ANKS3: variants seen among roughly 807,000 people sequenced by gnomAD.
ANKS3 encodes the protein ankyrin repeat and SAM domain-containing protein 3.
ANKS3 carries 62 observed loss-of-function variants against 80.7 expected under a neutral mutation model. The observed-to-expected ratio is 0.77, with a 90% CI of 0.63 to 0.95. The LOEUF (loss-of-function observed/expected upper bound fraction) is 0.95. ANKS3 is among the 40% of genes least tolerant of loss of function. The pLI, the probability that ANKS3 is intolerant of heterozygous loss-of-function variation, is 0.00. For missense variants in ANKS3, 1,150 were observed against 883.6 expected (o/e 1.30, Z -3.82); for synonymous variants, 489 against 355.3 (o/e 1.38, Z -4.23).
At chr16:4,732,281 A>C (rs1053356147) in intron 1 of ANKS3, among the ~76,000 whole-genome samples, 1 of 152,056 alleles carries the variant, frequency 6.6e-6, no homozygotes, top group African/African-American at 2.4e-5. Flanking sequence ...AAGAAACCAA[A>C]CGAGCTGAGG....
Position 4,696,654 on chromosome 16 carries a change from C to T in ANKS3, c.*254G>A, listed in dbSNP as rs758298356. Reference sequence around the variant, plus strand: ...GGGCCCTGCCTGGTATGGGCCAGGGCAGCCCATGAACTCTGGGCCTCACCA... The same window carrying T: ...GGGCCCTGCCTGGTATGGGCCAGGGTAGCCCATGAACTCTGGGCCTCACCA... On this transcript the variant is annotated 3_prime_UTR_variant, in exon 18 of 18. Transcript: ENST00000304283. 37 of 314,706 alleles carry T rather than the reference C, an allele frequency of 1.2e-4. No homozygotes were observed. The highest frequency in any genetic ancestry group is 5.4e-4 in the African/African-American group (25 of 46,220). The allele number at this position is 314,706 out of a possible 1,614,324, so 19.5% of individuals were successfully genotyped here.
intron 10 of ANKS3, 119 bp downstream of exon 10, chr16:4,701,315 G>A: frequency 1.5e-6 from 2 of 1,324,876 alleles, no homozygotes; most frequent in Non-Finnish European, 2.1e-6. Context: ...ACGTCCCAGT[G>A]CAGCACACAC....
chr16:4,716,897 AGACT>A (rs2080830239), intron 6 of ANKS3, among the ~76,000 whole-genome samples: 1 of 152,086 alleles, frequency 6.6e-6, no homozygotes, highest in African/African-American at 2.4e-5. Context: ...CCTCGACGAC[AGACT>A]GAGATTCCAT....
At chr16:4,705,025 T>A in intron 8 of ANKS3, 70 bp downstream of exon 8, 3 of 1,576,250 alleles carry the variant, frequency 1.9e-6, no homozygotes, top group Non-Finnish European at 2.6e-6. Context: ...CTAAGAGCTA[T>A]TCCATTCTTG....
In ANKS3 at chr16:4,716,315, C is replaced by A. The variant is rs866092320; in HGVS notation, c.574-2129G>T. Among the ~76,000 whole-genome samples, 20 of 147,210 alleles carry A rather than the reference C, an allele frequency of 1.4e-4. 1 individual carries two copies. The highest frequency in any genetic ancestry group is 4.4e-4 in the South Asian group (2 of 4,596). On this transcript the variant is annotated intron_variant, in intron 6 of 17. Coordinates refer to ENST00000304283, the MANE Select transcript of ANKS3 (RefSeq NM_133450.4). ...GGTGGAGGTTGCAGTGAGCCAAGAT[C>A]GCACCACTGGACTCCAGCCTGGGCG... is the stretch of plus-strand genomic sequence containing the variant.
rs2079596245 is a variant in ANKS3 at position 4,697,080 on chromosome 16, T to C, written c.1919A>G (p.Gln640Arg). 1 of 1,613,920 alleles carries C rather than the reference T, an allele frequency of 6.2e-7. No individual in the cohort carries two copies. Among genetic ancestry groups the C allele is most frequent in the Non-Finnish European group, 8.5e-7 (1 of 1,179,988 alleles). Residue 640 changes from glutamine to arginine, a missense_variant, in exon 17 of 18, where the codon CAG (glutamine) becomes CGG (arginine). Physicochemically the swap from Gln to Arg is conservative, Grantham distance 43. Transcript: ENST00000304283. ...EMGQALCLVT[Q>R]SLEKLQVLNG... The stretch of plus-strand genomic sequence containing the variant: ...CAGCACCTGCAGCTTCTCCAGGCTC[T>C]GGGTCACTAAGCACAGTGCTTGCCC...
Position 4,734,139 on chromosome 16 carries a change from G to T in ANKS3, c.-272C>A, listed in dbSNP as rs1383887596. 2.9e-5 allele frequency: 18 copies of T among 630,030 alleles called. No individual in the cohort carries two copies. Among genetic ancestry groups the T allele is most frequent in the Non-Finnish European group, 3.6e-5 (18 of 505,260 alleles). 39.0% of individuals were successfully genotyped at this position (630,030 alleles called of 1,614,324 possible). On this transcript the variant is annotated 5_prime_UTR_variant, in exon 1 of 18. Transcript: ENST00000304283. Reference sequence around the variant, plus strand: ...AGGTGCCGGCAAGTGCTGGGGCCGGGCCGCCGCGGAACCCACCTGTGCTGG... The same window carrying T: ...AGGTGCCGGCAAGTGCTGGGGCCGGTCCGCCGCGGAACCCACCTGTGCTGG...
At chr16:4,721,344 C>G (rs900843211) in intron 6 of ANKS3, among the ~76,000 whole-genome samples, 1 of 150,570 alleles carries the variant, frequency 6.6e-6, no homozygotes, top group Non-Finnish European at 1.5e-5. Flanking sequence ...TGCGTTGGCT[C>G]GTGCCTGTAA....
chr16:4,714,018 C>T, intron 7 of ANKS3, 33 bp downstream of exon 7: 13 of 1,611,480 alleles, frequency 8.1e-6, no homozygotes, highest in East Asian at 2.2e-5. Context: ...CAACCAGAGA[C>T]CCCAGCAGGG....
intron 6 of ANKS3, among the ~76,000 whole-genome samples, chr16:4,719,893 G>A (rs2080998437): frequency 6.6e-6 from 1 of 152,134 alleles, no homozygotes; most frequent in African/African-American, 2.4e-5. Context: ...GCCAGGCACA[G>A]TGGCTCACGC....
In ANKS3 at chr16:4,724,841, G is replaced by A. The variant is rs1246910068; in HGVS notation, c.492-10C>T. ...TCCACATATCGGCTCCCTGCAAGAT[G>A]TGGGCCACAGTCAGATGATTGGAAG... On this transcript the variant is annotated splice_polypyrimidine_tract_variant and intron_variant, in intron 5 of 17. Transcript: ENST00000304283. The A allele has an allele frequency of 1.9e-6, 3 of 1,613,472 alleles. No homozygotes were observed. Among genetic ancestry groups the A allele is most frequent in the Admixed American group, 3.3e-5 (2 of 59,936 alleles).
intron 1 of ANKS3, among the ~76,000 whole-genome samples, chr16:4,733,283 T>C (rs1244843876): frequency 7.3e-5 from 11 of 150,564 alleles, no homozygotes; most frequent in Non-Finnish European, 1.3e-4. Context: ...TAATTGCACA[T>C]TTTATTTATT....
rs138680076 is a variant in ANKS3 at position 4,726,227 on chromosome 16, C to T, written c.491+432G>A. ...TCCTGACCTCGTGATCTGCCTACCT[C>T]GGCCTCCCAAAGAGCTGGGATCACA... On this transcript the variant is annotated intron_variant, in intron 5 of 17. Coordinates refer to ENST00000304283, the MANE Select transcript of ANKS3 (RefSeq NM_133450.4). Among the ~76,000 whole-genome samples, 1,041 of 151,824 alleles carry T rather than the reference C, an allele frequency of 6.9e-3. 11 individuals carry two copies. Among genetic ancestry groups the T allele is most frequent in the African/African-American group, 0.024 (997 of 41,390 alleles).
chr16:4,732,264 C>G (rs545103440), intron 1 of ANKS3, among the ~76,000 whole-genome samples: 1 of 152,240 alleles, frequency 6.6e-6, no homozygotes, highest in Non-Finnish European at 1.5e-5. Flanking sequence ...GCCAACGAAG[C>G]CTGGATAAGA....
chr16:4,710,871 T>G (rs1233643347), intron 7 of ANKS3, among the ~76,000 whole-genome samples: 1 of 152,220 alleles, frequency 6.6e-6, no homozygotes, highest in East Asian at 1.9e-4. Flanking sequence ...TGATTTTGGC[T>G]TACTGCAATC....
At chr16:4,711,782 T>C (rs1460896680) in intron 7 of ANKS3, among the ~76,000 whole-genome samples, 12 of 146,190 alleles carry the variant, frequency 8.2e-5, no homozygotes, top group Admixed American at 8.2e-4. Flanking sequence ...AAGTCTGAAA[T>C]CCTAGATGAA....
intron 7 of ANKS3, among the ~76,000 whole-genome samples, chr16:4,709,676 G>C (rs1183234609): frequency 6.6e-6 from 1 of 152,130 alleles, no homozygotes; most frequent in Non-Finnish European, 1.5e-5. Context: ...AATAAGCCTG[G>C]AAGAGACTAT....
At position 4,705,179 on chromosome 16, in the gene ANKS3, C is replaced by T; in HGVS notation, c.784G>A (p.Gly262Ser). The change falls in exon 8 of 18, where the codon GGT becomes AGT. Residue 262 changes from glycine (G) to serine (S), a missense_variant. Gly to Ser is a moderately conservative substitution (Grantham distance 56, BLOSUM62 0). Transcript: ENST00000304283. ...CGCGGTCCCTCGTGGATGCTGACAC[C>T]CTTCTTCCGGCAAGGCCTCTGTCTC... is the stretch of plus-strand genomic sequence containing the variant. The part of the protein sequence containing the change: ...PQRQRPCRKK[G>S]VSIHEGPRAL... The T allele has an allele frequency of 3.1e-6, 5 of 1,613,896 alleles. No individual in the cohort carries two copies. In the South Asian group the frequency reaches 4.4e-5, roughly 14 times the overall value.
intron 6 of ANKS3, among the ~76,000 whole-genome samples, chr16:4,723,383 G>A (rs1357528866): frequency 6.6e-6 from 1 of 152,202 alleles, no homozygotes; most frequent in East Asian, 1.9e-4. Context: ...CCTAGTGTGT[G>A]GCCTGTTGTG....
Sources: allele counts gnomAD v4.1 joint callset (sites outside exome capture counted in the v4.1 genomes callset), GRCh38; gene constraint gnomAD v4.1.1; transcripts MANE v1.5; gene names NCBI Gene and HGNC (gene_info 2026-07-23, HGNC 2026-07-21).